Variants in RIT2 observed in about 807,000 individuals in gnomAD.
RIT2 encodes the protein Ras like without CAAX 2, also known as GTP-binding protein Rit2.
Under a neutral mutation model 23.7 loss-of-function variants are expected in RIT2, and 24 were observed. That is an observed-to-expected ratio of 1.01 (90% CI 0.73 to 1.43). RIT2 has a LOEUF of 1.43. RIT2 is among the 40% of genes most tolerant of loss of function. The probability of loss-of-function intolerance (pLI) is 0.00; values close to 1 mark genes in which losing one functional copy is unlikely to be tolerated. For synonymous variants in RIT2, 107 were observed against 91.1 expected (o/e 1.17, Z -0.99); for missense variants, 236 against 266.9 (o/e 0.88, Z 0.81).
chr18:43,106,017 G>A (rs369758637), intron 1 of RIT2, among the ~76,000 whole-genome samples: 2 of 152,140 alleles, frequency 1.3e-5, no homozygotes, highest in Non-Finnish European at 2.9e-5. Context: ...AGTCACCTCA[G>A]GCTCTGGGTT....
intron 1 of RIT2, among the ~76,000 whole-genome samples, chr18:43,057,798 C>A (rs1410581254): frequency 8.2e-6 from 1 of 122,674 alleles, no homozygotes; most frequent in Non-Finnish European, 1.7e-5. Context: ...GTGATGGACA[C>A]TTTTTTTTTT....
At chr18:43,053,732 A>T (rs748061121) in intron 1 of RIT2, among the ~76,000 whole-genome samples, 5 of 152,128 alleles carry the variant, frequency 3.3e-5, no homozygotes, top group Non-Finnish European at 5.9e-5. Context: ...GGCATTATCA[A>T]ATATTGACAG....
At position 42,923,766 on chromosome 18, in the gene RIT2, G is replaced by C; in HGVS notation, c.235-3C>G. On this transcript the variant is annotated splice_region_variant and splice_polypyrimidine_tract_variant and intron_variant, in intron 3 of 4. Coordinates refer to ENST00000326695, the MANE Select transcript of RIT2 (RefSeq NM_002930.4). ...TCCCGCATGGCTGTGAATTCTGCCT[G>C]CAGGAAAAAAAAAAAAAAATTAGTT... The C allele has an allele frequency of 6.5e-7, 1 of 1,531,066 alleles. No individual in the cohort carries two copies. The highest frequency in any genetic ancestry group is 1.8e-4 in the Middle Eastern group (1 of 5,674). 94.8% of individuals were successfully genotyped at this position (1,531,066 alleles called of 1,614,324 possible).
chr18:42,936,950 T>C (rs1909475283), intron 3 of RIT2, among the ~76,000 whole-genome samples: 1 of 151,426 alleles, frequency 6.6e-6, no homozygotes, highest in Admixed American at 6.6e-5. Context: ...AGGCAGAGCT[T>C]GCAGTGAGCC....
intron 3 of RIT2, among the ~76,000 whole-genome samples, chr18:42,926,741 T>C (rs1384242603): frequency 2.0e-5 from 3 of 152,000 alleles, no homozygotes; most frequent in East Asian, 1.9e-4. Flanking sequence ...CTGATCTAAA[T>C]TGGAATCTCT....
chr18:42,748,097 T>C (rs921113692), intron 4 of RIT2, among the ~76,000 whole-genome samples: 2 of 151,682 alleles, frequency 1.3e-5, no homozygotes, highest in Non-Finnish European at 2.9e-5. Flanking sequence ...GCAGAGTAAA[T>C]GAACAACCCA....
At chr18:42,954,423 G>T (rs975220858) in intron 3 of RIT2, among the ~76,000 whole-genome samples, 1 of 148,666 alleles carries the variant, frequency 6.7e-6, no homozygotes, top group East Asian at 2.0e-4. Flanking sequence ...TGTGGCAAAC[G>T]TAATTGCTGT....
intron 3 of RIT2, among the ~76,000 whole-genome samples, chr18:42,929,034 G>GATTATATAT (rs1555647355): frequency 8.3e-5 from 8 of 96,946 alleles, no homozygotes; most frequent in South Asian, 7.1e-4. Context: ...AAAATATGGA[G>GATTATATAT]ATATATATAT....
At chr18:42,815,222 C>T (rs1905961772) in intron 4 of RIT2, among the ~76,000 whole-genome samples, 1 of 152,128 alleles carries the variant, frequency 6.6e-6, no homozygotes, top group Admixed American at 6.5e-5. Context: ...TTAAGCTAGT[C>T]AGGGAGGCAC....
In RIT2 at chr18:42,957,249, T is replaced by C. The variant is rs530450123; in HGVS notation, c.234+16825A>G. On this transcript the variant is annotated intron_variant, in intron 3 of 4. Coordinates refer to ENST00000326695, the MANE Select transcript of RIT2 (RefSeq NM_002930.4). ...GCACAAAATATCCATAATGCATCCTTCATGCTTTATATTTTGATACGATTA... is the reference window on the plus strand; with the variant it reads ...GCACAAAATATCCATAATGCATCCTCCATGCTTTATATTTTGATACGATTA... Among the ~76,000 whole-genome samples, 5 of 152,288 alleles carry C rather than the reference T, an allele frequency of 3.3e-5. No individual in the cohort carries two copies. The East Asian group carries it at 9.7e-4, about 29-fold the overall frequency.
In RIT2 at chr18:42,810,041, T is replaced by C. The variant is rs542538049; in HGVS notation, c.427-66321A>G. On this transcript the variant is annotated intron_variant, in intron 4 of 4. Transcript: ENST00000326695. ...ATGTTACATATATGTATATATAAGT[T>C]ACATATGTTATATATGTTATATATA... is the stretch of plus-strand genomic sequence containing the variant. 1.7e-3 allele frequency among the ~76,000 whole-genome samples: 245 copies of C among 146,888 alleles called. 1 individual carries two copies. Among genetic ancestry groups the C allele is most frequent in the African/African-American group, 5.7e-3 (231 of 40,510 alleles).
rs1157253063 is a variant in RIT2, at chr18:42,954,457, A to G, written c.234+19617T>C. Among the ~76,000 whole-genome samples, 9 of 152,066 alleles carry G rather than the reference A, an allele frequency of 5.9e-5. No homozygotes were observed. The East Asian group carries it at 1.7e-3, about 29-fold the overall frequency. On this transcript the variant is annotated intron_variant, in intron 3 of 4. Transcript: ENST00000326695. Reference sequence around the variant, plus strand: ...GTTTTTTCCATTAAAAGTAATGGCAAAAGTAGATGATGGTATCAACTTCCA... The same window carrying G: ...GTTTTTTCCATTAAAAGTAATGGCAGAAGTAGATGATGGTATCAACTTCCA...
chr18:42,977,526 C>A (rs1295297970), intron 2 of RIT2, among the ~76,000 whole-genome samples: 2 of 151,820 alleles, frequency 1.3e-5, no homozygotes, highest in South Asian at 2.1e-4. Context: ...AATGATCAAC[C>A]ATAGGAGGCA....
At chr18:43,070,933 G>C (rs1912883054) in intron 1 of RIT2, among the ~76,000 whole-genome samples, 2 of 152,096 alleles carry the variant, frequency 1.3e-5, no homozygotes, top group Non-Finnish European at 2.9e-5. Flanking sequence ...CTTAGACCTT[G>C]TAAAAAAGCT....
chr18:42,756,491 G>T (rs1222015323), intron 4 of RIT2, among the ~76,000 whole-genome samples: 3 of 151,894 alleles, frequency 2.0e-5, no homozygotes, highest in Non-Finnish European at 4.4e-5. Flanking sequence ...TTGCTATGAA[G>T]GGAAAAAAGA....
rs180839779 is a variant in RIT2, at chr18:42,866,707, G to A, written c.426+56865C>T. ...CTTTTCTTTCAGACATTATATGAAT[G>A]TCATTTTTAGCAGTTCTTTAGAAAA... On this transcript the variant is annotated intron_variant, in intron 4 of 4. Coordinates refer to ENST00000326695, the MANE Select transcript of RIT2 (RefSeq NM_002930.4). 2.3e-4 allele frequency among the ~76,000 whole-genome samples: 34 copies of A among 150,094 alleles called. No individual in the cohort carries two copies. In the East Asian group the frequency reaches 6.6e-3, roughly 29 times the overall value.
intron 2 of RIT2, among the ~76,000 whole-genome samples, chr18:43,031,649 G>A (rs1300750249): frequency 7.2e-5 from 11 of 152,028 alleles, no homozygotes; most frequent in South Asian, 2.1e-4. Flanking sequence ...GGGATCTTAC[G>A]TTTTCAGAAC....
At position 43,115,662 on chromosome 18, in the gene RIT2, G is replaced by A; in HGVS notation, c.-143C>T. 1.6e-6 allele frequency: 2 copies of A among 1,225,472 alleles called. No homozygotes were observed. The highest frequency in any genetic ancestry group is 3.1e-5 in the African/African-American group (2 of 64,062). 75.9% of individuals were successfully genotyped at this position (1,225,472 alleles called of 1,614,324 possible). On this transcript the variant is annotated 5_prime_UTR_variant, in exon 1 of 5. Coordinates refer to ENST00000326695, the MANE Select transcript of RIT2 (RefSeq NM_002930.4). ...ACCATCAGCGTCGGGCTGGCTGCTG[G>A]TCCTCCGCTCGAGCGGGTCTCATAG...
intron 1 of RIT2, among the ~76,000 whole-genome samples, chr18:43,103,988 G>A (rs1913749589): frequency 6.6e-6 from 1 of 152,138 alleles, no homozygotes; most frequent in Non-Finnish European, 1.5e-5. Flanking sequence ...ACACCCCCAA[G>A]TTTATTGCAC....
Sources: allele counts gnomAD v4.1 joint callset (sites outside exome capture counted in the v4.1 genomes callset), GRCh38; gene constraint gnomAD v4.1.1; transcripts MANE v1.5; gene names NCBI Gene and HGNC (gene_info 2026-07-23, HGNC 2026-07-21).